The following RAB39A variants were observed in gnomAD, a reference collection of about 807,000 sequenced individuals.
The protein encoded by RAB39A is RAB39A, member RAS oncogene family.
In RAB39A, 17 loss-of-function variants were observed where a neutral mutation model predicts 20.9. That is an observed-to-expected ratio of 0.81 (90% CI 0.56 to 1.22). The LOEUF is 1.22. Ranked by LOEUF, RAB39A falls within the 50% of genes most tolerant of loss-of-function variation. RAB39A has a pLI of 0.00. For missense variants in RAB39A, 234 were observed against 270.5 expected (o/e 0.87, Z 0.95); for synonymous variants, 99 against 103.4 (o/e 0.96, Z 0.26).
At chr11:107,955,625 G>T (rs1391755821) in intron 1 of RAB39A, among the ~76,000 whole-genome samples, 1 of 152,172 alleles carries the variant, frequency 6.6e-6, no homozygotes, top group African/African-American at 2.4e-5. Context: ...GATCACCTGA[G>T]GTTGGGAGGT....
chr11:107,962,005 C>T lies in RAB39A; in HGVS notation c.287C>T (p.Thr96Ile), dbSNP rs2134977890. ...GGTGGATTTTTAGTATTTGACATTA[C>T]TAACCGACGATCTTTTGAACATGTG... is the stretch of plus-strand genomic sequence containing the variant. ...SVGGFLVFDI[T>I]NRRSFEHVKD... is the part of the protein sequence containing the mutation. The change falls in exon 2 of 2, where the codon ACT becomes ATT. Residue 96 changes from threonine to isoleucine, a missense_variant. Transcript: ENST00000320578. 1.9e-6 allele frequency: 3 copies of T among 1,613,946 alleles called. No individual in the cohort carries two copies. The East Asian group carries it at 6.7e-5, about 36-fold the overall frequency.
chr11:107,937,203 A>G (rs1277510649), intron 1 of RAB39A, among the ~76,000 whole-genome samples: 1 of 151,596 alleles, frequency 6.6e-6, no homozygotes, highest in Non-Finnish European at 1.5e-5. Flanking sequence ...TGGCACAATC[A>G]TAGCTCACTG....
chr11:107,929,324 G>A (rs1345542148), intron 1 of RAB39A, among the ~76,000 whole-genome samples: 1 of 152,196 alleles, frequency 6.6e-6, no homozygotes, highest in African/African-American at 2.4e-5. Context: ...CCAGGTTCCT[G>A]CATGAGCTCA....
At chr11:107,933,805 C>T (rs1861165398) in intron 1 of RAB39A, among the ~76,000 whole-genome samples, 1 of 151,440 alleles carries the variant, frequency 6.6e-6, no homozygotes, top group African/African-American at 2.4e-5. Flanking sequence ...GGATTACAGG[C>T]GCCCCAAGCT....
intron 1 of RAB39A, among the ~76,000 whole-genome samples, chr11:107,936,956 G>A (rs1015842248): frequency 6.6e-6 from 1 of 150,560 alleles, no homozygotes; most frequent in Non-Finnish European, 1.5e-5. Flanking sequence ...AACAAATGAA[G>A]AAAATGATTG....
intron 1 of RAB39A, among the ~76,000 whole-genome samples, chr11:107,950,151 C>G (rs559686343): frequency 4.0e-5 from 6 of 151,322 alleles, no homozygotes; most frequent in Non-Finnish European, 1.5e-5. Context: ...CTGCACTCCA[C>G]CCTGGGTGGC....
At chr11:107,942,348 C>T (rs1169091724) in intron 1 of RAB39A, among the ~76,000 whole-genome samples, 1 of 152,118 alleles carries the variant, frequency 6.6e-6, no homozygotes, top group Non-Finnish European at 1.5e-5. Context: ...GTAACTACAG[C>T]CATTGGACTG....
chr11:107,946,316 A>ATATG (rs1861307319), intron 1 of RAB39A, among the ~76,000 whole-genome samples: 1 of 94,988 alleles, frequency 1.1e-5, no homozygotes, highest in African/African-American at 3.3e-5. Flanking sequence ...TACTATATAT[A>ATATG]TATATATATA....
At chr11:107,961,811 C>A (rs1415512872) in intron 1 of RAB39A, 135 bp from the exon 2 acceptor site, 18 of 738,856 alleles carry the variant, frequency 2.4e-5, no homozygotes, top group Non-Finnish European at 3.8e-5. Flanking sequence ...ACTTGAGATA[C>A]CTCATATTTT....
rs186715246 is a variant in RAB39A, at chr11:107,938,338, C to A, written c.227+9543C>A. ...TCACGCCACTGCACTCCAGTCTGGG[C>A]AATAGAGCAAGACTCCGTCTCAAAA... On this transcript the variant is annotated intron_variant, in intron 1 of 1. Coordinates refer to ENST00000320578, the MANE Select transcript of RAB39A (RefSeq NM_017516.3). 7.6e-3 allele frequency among the ~76,000 whole-genome samples: 818 copies of A among 107,600 alleles called. 2 individuals carry two copies. The highest frequency in any genetic ancestry group is 0.017 in the Admixed American group (113 of 6,812). The allele number at this position is 107,600 out of a possible 152,430, so 70.6% of individuals were successfully genotyped here.
At chr11:107,937,249 C>G (rs1406453207) in intron 1 of RAB39A, among the ~76,000 whole-genome samples, 1 of 151,832 alleles carries the variant, frequency 6.6e-6, no homozygotes, top group Non-Finnish European at 1.5e-5. Flanking sequence ...ATCCTCTTAC[C>G]TTAGCCTCCT....
intron 1 of RAB39A, among the ~76,000 whole-genome samples, chr11:107,950,669 G>A (rs1861368293): frequency 6.6e-6 from 1 of 151,776 alleles, no homozygotes; most frequent in Non-Finnish European, 1.5e-5. Context: ...GGGATGCTGA[G>A]GTGGGAGGAT....
Position 107,933,691 on chromosome 11 carries a change from T to TC in RAB39A, c.227+4896_227+4897insC, listed in dbSNP as rs112076526. 9.1e-3 allele frequency among the ~76,000 whole-genome samples: 1,345 copies of TC among 148,254 alleles called. 23 individuals carry two copies. Among genetic ancestry groups the TC allele is most frequent in the African/African-American group, 0.032 (1,273 of 40,022 alleles). ...CTCACCTGTGATTCTTTTTTTTTTT[T>TC]TGAGATGGAGTCTTGCTCTTGTGCA... is the stretch of plus-strand genomic sequence containing the variant. On this transcript the variant is annotated intron_variant, in intron 1 of 1. Coordinates refer to ENST00000320578, the MANE Select transcript of RAB39A (RefSeq NM_017516.3).
At chr11:107,952,996 ATGGTTCT>A (rs573240663) in intron 1 of RAB39A, among the ~76,000 whole-genome samples, 40 of 152,370 alleles carry the variant, frequency 2.6e-4, no homozygotes, top group African/African-American at 8.4e-4. Context: ...AAGTGGAATG[ATGGTTCT>A]TGGAGGCTGT....
chr11:107,931,453 A>C (rs1270546497), intron 1 of RAB39A, among the ~76,000 whole-genome samples: 1 of 152,210 alleles, frequency 6.6e-6, no homozygotes, highest in Non-Finnish European at 1.5e-5. Flanking sequence ...TCTGTTTGTA[A>C]ATACATACGT....
intron 1 of RAB39A, among the ~76,000 whole-genome samples, chr11:107,934,064 C>T (rs1003416233): frequency 5.3e-5 from 8 of 152,250 alleles, no homozygotes; most frequent in South Asian, 4.1e-4. Context: ...AGAAGTATTG[C>T]AGCAAAGAAA....
chr11:107,935,890 G>A (rs1023467135), intron 1 of RAB39A, among the ~76,000 whole-genome samples: 9 of 141,464 alleles, frequency 6.4e-5, no homozygotes, highest in Non-Finnish European at 7.5e-5. Context: ...AGCCCAGCAA[G>A]TCCTGGCCAC....
intron 1 of RAB39A, among the ~76,000 whole-genome samples, chr11:107,957,541 T>C (rs77539647): frequency 0.018 from 2,743 of 152,284 alleles, 31 homozygotes; most frequent in Middle Eastern, 0.041. Context: ...ATAGTGTAGC[T>C]TTCAAAGTAT....
In RAB39A at chr11:107,948,093, G is replaced by A. The variant is rs565602560; in HGVS notation, c.228-13853G>A. On this transcript the variant is annotated intron_variant, in intron 1 of 1. Transcript: ENST00000320578. ...GGAACCTCCCAGGAAGATGGTGAAG[G>A]GAGATCTTAGGATCACGTGTGTGCT... Among the ~76,000 whole-genome samples, 7 of 152,100 alleles carry A rather than the reference G, an allele frequency of 4.6e-5. No individual in the cohort carries two copies. In the South Asian group the frequency reaches 1.5e-3, roughly 32 times the overall value.
Sources: allele counts gnomAD v4.1 joint callset (sites outside exome capture counted in the v4.1 genomes callset), GRCh38; gene constraint gnomAD v4.1.1; transcripts MANE v1.5; gene names NCBI Gene and HGNC (gene_info 2026-07-23, HGNC 2026-07-21).